NCAM1: variants seen among roughly 807,000 people sequenced by gnomAD.
The protein encoded by NCAM1 is antigen recognized by monoclonal antibody 5.1H11.
Under a neutral mutation model 109.8 loss-of-function variants are expected in NCAM1, and 14 were observed. The ratio of observed to expected loss-of-function variants is 0.13; its 90% CI spans 0.08 to 0.20. The LOEUF (loss-of-function observed/expected upper bound fraction) is 0.20. Ranked by LOEUF, NCAM1 falls within the 10% of genes least tolerant of loss-of-function variation. The probability of loss-of-function intolerance (pLI) is 1.00; values close to 1 mark genes in which losing one functional copy is unlikely to be tolerated. For synonymous variants in NCAM1, 418 were observed against 442.9 expected (o/e 0.94, Z 0.70); for missense variants, 774 against 1,109.9 (o/e 0.70, Z 4.30).
chr11:113,132,590 A>G (rs1324490928), intron 1 of NCAM1, among the ~76,000 whole-genome samples: 2 of 147,848 alleles, frequency 1.4e-5, no homozygotes, highest in East Asian at 2.0e-4. Context: ...GGGATCAGGC[A>G]TATATTAGGA....
In NCAM1 at chr11:113,204,485, C is replaced by T. The variant is rs375471455; in HGVS notation, c.327C>T (p.Thr109=). The T allele has an allele frequency of 1.2e-5, 19 of 1,613,814 alleles. No individual in the cohort carries two copies. The highest frequency in any genetic ancestry group is 8.3e-5 in the Admixed American group (5 of 60,006). The change falls in exon 3 of 20, where the codon ACC becomes ACT. Residue 109 remains threonine, a synonymous_variant. Coordinates refer to ENST00000316851, the MANE Select transcript of NCAM1 (RefSeq NM_181351.5). ...TGEDGSESEA[T]VNVKIFQKLM... ...AGGATGGCAGTGAGTCAGAGGCCACCGTCAACGTGAAGATCTTTCGTAAGA... is the reference window on the plus strand; with the variant it reads ...AGGATGGCAGTGAGTCAGAGGCCACTGTCAACGTGAAGATCTTTCGTAAGA...
intron 1 of NCAM1, among the ~76,000 whole-genome samples, chr11:113,090,365 A>G (rs555697183): frequency 6.6e-6 from 1 of 152,360 alleles, no homozygotes; most frequent in South Asian, 2.1e-4. Context: ...ATCACTGAAC[A>G]ATAAAGCAGG....
At chr11:112,976,826 A>G (rs782200976) in intron 1 of NCAM1, among the ~76,000 whole-genome samples, 1 of 151,882 alleles carries the variant, frequency 6.6e-6, no homozygotes, top group Non-Finnish European at 1.5e-5. Context: ...TTATCTTAAA[A>G]CTATATCTGT....
At position 113,004,481 on chromosome 11, in the gene NCAM1, G is replaced by C. The variant is rs534642025; in HGVS notation, c.52+42817G>C. ...CATTCCAGACTGGGTGACAGAGCAA[G>C]ATTTCATCTCAAAAAAAAAATTTTT... is the stretch of plus-strand genomic sequence containing the variant. On this transcript the variant is annotated intron_variant, in intron 1 of 19. Transcript: ENST00000316851. Among the ~76,000 whole-genome samples the C allele has an allele frequency of 2.7e-5, 4 of 150,564 alleles. No homozygotes were observed. The East Asian group carries it at 7.9e-4, about 30-fold the overall frequency.
At chr11:113,177,594 C>G (rs1555107266) in intron 1 of NCAM1, among the ~76,000 whole-genome samples, 1 of 152,046 alleles carries the variant, frequency 6.6e-6, no homozygotes, top group Admixed American at 6.5e-5. Context: ...CCACCACACC[C>G]AGCTAATTTT....
At position 113,275,153 on chromosome 11, in the gene NCAM1, G is replaced by A. The variant is rs1379467084; in HGVS notation, c.2457-114G>A. ...ATTTGACGGGCAGAGGTTGGAGCCG[G>A]GTGCTGTCACTGGAGAACCCCTCCT... On this transcript the variant is annotated intron_variant, in intron 19 of 19. Coordinates refer to ENST00000316851, the MANE Select transcript of NCAM1 (RefSeq NM_181351.5). The A allele has an allele frequency of 2.2e-6, 3 of 1,385,756 alleles. No homozygotes were observed. The Middle Eastern group carries it at 7.5e-4, about 346-fold the overall frequency. 85.8% of individuals were successfully genotyped at this position (1,385,756 alleles called of 1,614,324 possible).
chr11:113,248,538 AGT>A (rs1369836806), intron 15 of NCAM1, among the ~76,000 whole-genome samples: 1 of 152,020 alleles, frequency 6.6e-6, no homozygotes, highest in African/African-American at 2.4e-5. Context: ...CAATGAGAAA[AGT>A]GAGAGTAAGC....
chr11:113,005,075 G>A (rs1951860284), intron 1 of NCAM1, among the ~76,000 whole-genome samples: 1 of 152,034 alleles, frequency 6.6e-6, no homozygotes, highest in African/African-American at 2.4e-5. Flanking sequence ...TTTTATAGAT[G>A]TAGTATATTC....
intron 17 of NCAM1, among the ~76,000 whole-genome samples, chr11:113,268,581 G>T (rs1946191942): frequency 6.6e-6 from 1 of 152,192 alleles, no homozygotes; most frequent in African/African-American, 2.4e-5. Flanking sequence ...TCCCCAAACT[G>T]AAGTTTGAAA....
intron 1 of NCAM1, among the ~76,000 whole-genome samples, chr11:113,110,842 A>G (rs1940414645): frequency 6.6e-6 from 1 of 152,132 alleles, no homozygotes; most frequent in African/African-American, 2.4e-5. Flanking sequence ...TCCTATTGGG[A>G]TAGGTCCTTT....
At chr11:113,271,487 G>GCACTTCC (rs1289342329) in intron 18 of NCAM1, among the ~76,000 whole-genome samples, 4 of 151,642 alleles carry the variant, frequency 2.6e-5, no homozygotes, top group Non-Finnish European at 4.4e-5. Flanking sequence ...ACTGTGTTTA[G>GCACTTCC]CACTTCCCAT....
At chr11:113,256,043 C>G (rs1257602523) in intron 16 of NCAM1, 42 bp downstream of exon 16, 1 of 1,568,824 alleles carries the variant, frequency 6.4e-7, no homozygotes, top group East Asian at 2.4e-5. Context: ...ACCCTGCAAC[C>G]CTGGCACCCA....
intron 14 of NCAM1, among the ~76,000 whole-genome samples, chr11:113,244,129 C>T (rs1355546964): frequency 1.3e-5 from 2 of 152,096 alleles, no homozygotes; most frequent in Admixed American, 6.5e-5. Flanking sequence ...CAGTGTCACT[C>T]CTGTCCTTTT....
chr11:113,008,650 C>T (rs1222177890), intron 1 of NCAM1, among the ~76,000 whole-genome samples: 1 of 152,196 alleles, frequency 6.6e-6, no homozygotes, highest in Non-Finnish European at 1.5e-5. Flanking sequence ...CATCGAGTCA[C>T]CAATTGTCTG....
intron 1 of NCAM1, among the ~76,000 whole-genome samples, chr11:113,153,932 T>C (rs1413976159): frequency 6.6e-6 from 1 of 152,270 alleles, no homozygotes; most frequent in Non-Finnish European, 1.5e-5. Flanking sequence ...ATTGTTTGTT[T>C]ATTTATTCAG....
At chr11:113,230,947 G>T (rs368922007) in intron 9 of NCAM1, among the ~76,000 whole-genome samples, 4 of 152,274 alleles carry the variant, frequency 2.6e-5, no homozygotes, top group African/African-American at 7.2e-5. Flanking sequence ...GCTGTATCAA[G>T]GACTATAAAA....
intron 1 of NCAM1, among the ~76,000 whole-genome samples, chr11:113,116,454 C>G (rs1940713851): frequency 6.6e-6 from 1 of 152,240 alleles, no homozygotes; most frequent in Non-Finnish European, 1.5e-5. Context: ...CCCAACAGAC[C>G]TGGTGGACTT....
chr11:113,160,644 C>T (rs1342386666), intron 1 of NCAM1, among the ~76,000 whole-genome samples: 1 of 152,208 alleles, frequency 6.6e-6, no homozygotes, highest in Admixed American at 6.5e-5. Context: ...ACTTTTGCAT[C>T]AGAAACTGCC....
chr11:113,131,161 A>T (rs1941367693), intron 1 of NCAM1, among the ~76,000 whole-genome samples: 1 of 152,194 alleles, frequency 6.6e-6, no homozygotes. Flanking sequence ...AGCTGCTGTC[A>T]GGAAATTCTT....
Sources: gnomAD v4.1 joint callset for allele counts (sites outside exome capture counted in the v4.1 genomes callset) on GRCh38, gnomAD v4.1.1 for gene constraint, MANE v1.5 for transcripts, NCBI Gene and HGNC (gene_info 2026-07-23, HGNC 2026-07-21) for gene names.